Variants in CFAP299 observed in about 807,000 individuals in gnomAD.
The protein encoded by CFAP299 is cilia and flagella associated protein 299.
Under a neutral mutation model 27.0 loss-of-function variants are expected in CFAP299, and 21 were observed. The ratio of observed to expected loss-of-function variants is 0.78; its 90% CI spans 0.55 to 1.12. CFAP299 has a LOEUF of 1.12. CFAP299 is among the 50% of genes most tolerant of loss of function. The probability of loss-of-function intolerance (pLI) is 0.00; values close to 1 mark genes in which losing one functional copy is unlikely to be tolerated. For synonymous variants in CFAP299, 104 were observed against 98.1 expected, an observed-to-expected ratio of 1.06 and a Z score of -0.36; for missense variants, 310 against 276.6, an observed-to-expected ratio of 1.12 and a Z score of -0.86.
chr4:80,783,486 T>C (rs528025286), intron 3 of CFAP299, among the ~76,000 whole-genome samples: 1 of 152,190 alleles, frequency 6.6e-6, no homozygotes, highest in Non-Finnish European at 1.5e-5. Flanking sequence ...TATTACATAA[T>C]TATAATGTAT....
At chr4:80,371,462 G>A (rs1441586223) in intron 2 of CFAP299, among the ~76,000 whole-genome samples, 2 of 152,156 alleles carry the variant, frequency 1.3e-5, no homozygotes, top group Admixed American at 6.5e-5. Flanking sequence ...TGGCTAGGCT[G>A]CAAATTTTCC....
intron 2 of CFAP299, among the ~76,000 whole-genome samples, chr4:80,566,740 G>A (rs922896724): frequency 8.6e-5 from 13 of 152,010 alleles, no homozygotes; most frequent in African/African-American, 2.9e-4. Flanking sequence ...TAACCAGCAG[G>A]TCAGGAAGTA....
In CFAP299 at chr4:80,793,099, A is replaced by ATGTG. The variant is rs149555055; in HGVS notation, c.334-76868_334-76865dup. ...ATAGGATATTTATATCCTATTAGTT[A>ATGTG]TGTGTGTGTGTGTGTGTGTGTGTGT... On this transcript the variant is annotated intron_variant, in intron 3 of 5. Transcript: ENST00000358105. Among the ~76,000 whole-genome samples the ATGTG allele has an allele frequency of 7.6e-3, 1,097 of 145,226 alleles. 12 individuals are homozygous for ATGTG. Among genetic ancestry groups the ATGTG allele is most frequent in the African/African-American group, 0.022 (876 of 39,694 alleles).
At chr4:80,569,461 G>T (rs1400095972) in intron 2 of CFAP299, among the ~76,000 whole-genome samples, 2 of 151,964 alleles carry the variant, frequency 1.3e-5, no homozygotes, top group Admixed American at 6.6e-5. Flanking sequence ...TAAGACAAAA[G>T]AAGAAAAAGT....
chr4:80,500,798 G>C (rs992213442), intron 2 of CFAP299, among the ~76,000 whole-genome samples: 3 of 152,058 alleles, frequency 2.0e-5, no homozygotes, highest in African/African-American at 4.8e-5. Flanking sequence ...GGTACAGACT[G>C]TTCTGGGCTA....
chr4:80,665,343 CT>C (rs948585190), intron 3 of CFAP299, among the ~76,000 whole-genome samples: 2 of 152,126 alleles, frequency 1.3e-5, no homozygotes, highest in African/African-American at 4.8e-5. Flanking sequence ...CTATTTTGGG[CT>C]GTTGATGATA....
At chr4:80,877,633 C>T (rs1306971482) in intron 4 of CFAP299, among the ~76,000 whole-genome samples, 1 of 151,840 alleles carries the variant, frequency 6.6e-6, no homozygotes, top group African/African-American at 2.4e-5. Flanking sequence ...CAGGATTACT[C>T]TACATAAGAT....
chr4:80,418,614 C>G (rs532966764), intron 2 of CFAP299, among the ~76,000 whole-genome samples: 1 of 152,184 alleles, frequency 6.6e-6, no homozygotes, highest in Admixed American at 6.5e-5. Flanking sequence ...TCTGAGGCTT[C>G]GTATCCTTTG....
At chr4:80,632,998 C>T (rs750215901) in intron 3 of CFAP299, among the ~76,000 whole-genome samples, 2 of 152,118 alleles carry the variant, frequency 1.3e-5, no homozygotes, top group Non-Finnish European at 2.9e-5. Context: ...AATTAAGACA[C>T]AAAATCTCAC....
chr4:80,526,588 C>A (rs1358906262), intron 2 of CFAP299, among the ~76,000 whole-genome samples: 1 of 151,698 alleles, frequency 6.6e-6, no homozygotes. Flanking sequence ...TCTGTACAAC[C>A]CTACATTTTC....
intron 2 of CFAP299, among the ~76,000 whole-genome samples, chr4:80,572,970 G>T (rs1735668877): frequency 2.0e-5 from 3 of 152,192 alleles, no homozygotes; most frequent in Admixed American, 6.5e-5. Context: ...GATATACTTC[G>T]TTTTGGGTAT....
At chr4:80,793,622 C>T (rs951508437) in intron 3 of CFAP299, among the ~76,000 whole-genome samples, 3 of 152,210 alleles carry the variant, frequency 2.0e-5, no homozygotes, top group Non-Finnish European at 4.4e-5. Context: ...GTACAACTAT[C>T]CTTCGTACAA....
chr4:80,594,974 G>A (rs11735139), intron 3 of CFAP299, among the ~76,000 whole-genome samples: 8 of 152,068 alleles, frequency 5.3e-5, no homozygotes, highest in African/African-American at 1.9e-4. Flanking sequence ...AATATGGCAG[G>A]CCTTGCTTTT....
At chr4:80,940,038 C>G (rs539081493) in intron 4 of CFAP299, among the ~76,000 whole-genome samples, 2 of 152,260 alleles carry the variant, frequency 1.3e-5, no homozygotes, top group African/African-American at 4.8e-5. Flanking sequence ...GATCTACATG[C>G]ACTCTCTGTG....
At chr4:80,703,349 C>T (rs377686370) in intron 3 of CFAP299, among the ~76,000 whole-genome samples, 4 of 151,718 alleles carry the variant, frequency 2.6e-5, no homozygotes, top group African/African-American at 7.2e-5. Context: ...CCTAGATTAT[C>T]GAAATGACAC....
intron 2 of CFAP299, among the ~76,000 whole-genome samples, chr4:80,505,258 G>A (rs1054586799): frequency 6.6e-6 from 1 of 151,922 alleles, no homozygotes; most frequent in African/African-American, 2.4e-5. Flanking sequence ...AAGGAATATT[G>A]AACTGTACAC....
intron 2 of CFAP299, among the ~76,000 whole-genome samples, chr4:80,545,858 T>A (rs1734203509): frequency 2.0e-5 from 3 of 151,886 alleles, no homozygotes; most frequent in African/African-American, 2.4e-5. Context: ...CAAAATACGA[T>A]TAATAGTAAA....
At chr4:80,615,528 T>A (rs1577935622) in intron 3 of CFAP299, among the ~76,000 whole-genome samples, 1 of 149,498 alleles carries the variant, frequency 6.7e-6, no homozygotes, top group East Asian at 2.0e-4. Context: ...CTTGCAGGCA[T>A]CTTTCTTTCT....
At chr4:80,717,498 CT>C (rs1254030051) in intron 3 of CFAP299, among the ~76,000 whole-genome samples, 1 of 152,126 alleles carries the variant, frequency 6.6e-6, no homozygotes, top group African/African-American at 2.4e-5. Context: ...GACTACTAGT[CT>C]TTTTCCAACT....
Sources: allele counts gnomAD v4.1 joint callset (sites outside exome capture counted in the v4.1 genomes callset), GRCh38; gene constraint gnomAD v4.1.1; transcripts MANE v1.5; gene names NCBI Gene and HGNC (gene_info 2026-07-23, HGNC 2026-07-21).